Variants in ZNF354B observed in about 807,000 individuals in gnomAD.
ZNF354B encodes the protein zinc finger protein 354B.
In ZNF354B, 10 loss-of-function variants were observed where a neutral mutation model predicts 12.9. The observed-to-expected ratio is 0.77, with a 90% CI of 0.48 to 1.31. The LOEUF (loss-of-function observed/expected upper bound fraction) is 1.31, where lower values mean the gene tolerates loss of function less well. ZNF354B is among the 40% of genes most tolerant of loss of function. The pLI is 0.00. For missense variants in ZNF354B, 614 were observed against 711.7 expected (o/e 0.86, Z 1.56); for synonymous variants, 260 against 243.7 (o/e 1.07, Z -0.62).
intron 4 of ZNF354B, among the ~76,000 whole-genome samples, chr5:178,868,492 C>T (rs1251275362): frequency 4.6e-5 from 7 of 151,350 alleles, no homozygotes; most frequent in South Asian, 2.1e-4. Context: ...CTGGAGTGCA[C>T]GATCTAGTGG....
In ZNF354B at chr5:178,866,266, T is replaced by C; in HGVS notation, c.56T>C (p.Val19Ala). The change falls in exon 3 of 5, where the codon GTG (valine) becomes GCG (alanine). Residue 19 changes from valine to alanine, a missense_variant. Val to Ala is a moderately conservative substitution (Grantham distance 64, BLOSUM62 0). Coordinates refer to ENST00000322434, the MANE Select transcript of ZNF354B (RefSeq NM_058230.3). ...RPQVSLTFED[V>A]AVLFTWDEWR... Reference sequence around the variant, plus strand: ...CAGGTGTCACTGACATTCGAGGACGTGGCTGTGCTCTTTACCTGGGATGAG... The same window carrying C: ...CAGGTGTCACTGACATTCGAGGACGCGGCTGTGCTCTTTACCTGGGATGAG... 6.2e-7 allele frequency: 1 copy of C among 1,614,142 alleles called. No individual in the cohort carries two copies. Among genetic ancestry groups the C allele is most frequent in the Non-Finnish European group, 8.5e-7 (1 of 1,180,002 alleles).
intron 4 of ZNF354B, among the ~76,000 whole-genome samples, chr5:178,867,535 A>G (rs1757481718): frequency 6.6e-6 from 1 of 152,186 alleles, no homozygotes; most frequent in Non-Finnish European, 1.5e-5. Context: ...GGTCCTTGGT[A>G]TCTTAGAAAA....
At chr5:178,865,639 TC>T (rs1177582050) in intron 2 of ZNF354B, among the ~76,000 whole-genome samples, 1 of 152,210 alleles carries the variant, frequency 6.6e-6, no homozygotes, top group Non-Finnish European at 1.5e-5. Flanking sequence ...ATAACTATTT[TC>T]TTCATAAGGT....
At chr5:178,876,812 G>A (rs1235711384) in intron 4 of ZNF354B, among the ~76,000 whole-genome samples, 7 of 152,008 alleles carry the variant, frequency 4.6e-5, no homozygotes, top group African/African-American at 1.7e-4. Context: ...CTCTAGCTCT[G>A]AGCATCTTTA....
At position 178,866,298 on chromosome 5, in the gene ZNF354B, A is replaced by G; in HGVS notation, c.88A>G (p.Lys30Glu). 6.2e-7 allele frequency: 1 copy of G among 1,614,134 alleles called. No homozygotes were observed. The highest frequency in any genetic ancestry group is 8.5e-7 in the Non-Finnish European group (1 of 1,180,000). ...AVLFTWDEWR[K>E]LAPSQRNLYR... ...GCTCTTTACCTGGGATGAGTGGAGA[A>G]AGCTGGCTCCTTCTCAGAGAAACTT... Residue 30 changes from lysine (K) to glutamate (E), a missense_variant, in exon 3 of 5, where the codon AAG (lysine) becomes GAG (glutamate). Coordinates refer to ENST00000322434, the MANE Select transcript of ZNF354B (RefSeq NM_058230.3).
At position 178,866,980 on chromosome 5, in the gene ZNF354B, C is replaced by G; in HGVS notation, c.165C>G (p.Leu55=). The G allele has an allele frequency of 6.2e-7, 1 of 1,613,896 alleles. No homozygotes were observed. The highest frequency in any genetic ancestry group is 2.2e-5 in the East Asian group (1 of 44,886). The change falls in exon 4 of 5, where the codon CTC becomes CTG. Residue 55 remains leucine, a synonymous_variant. Transcript: ENST00000322434. The stretch of plus-strand genomic sequence containing the variant: ...GTTGTTGTTGTTTATGTGCAGGACT[C>G]TCATTTACCAAACCAAAAGTCATCT... ...ENYRNLVSLG[L]SFTKPKVISL... is the part of the protein sequence containing the mutation.
intron 4 of ZNF354B, among the ~76,000 whole-genome samples, chr5:178,881,868 C>T (rs1757722897): frequency 2.0e-5 from 3 of 152,174 alleles, no homozygotes; most frequent in Admixed American, 2.0e-4. Context: ...GGTCTCAATC[C>T]ATTCTCTGGA....
chr5:178,875,864 A>G (rs1015652758), intron 4 of ZNF354B, among the ~76,000 whole-genome samples: 7 of 152,138 alleles, frequency 4.6e-5, no homozygotes, highest in African/African-American at 1.7e-4. Flanking sequence ...AGGGGCTATC[A>G]GTTGCCTCTG....
intron 4 of ZNF354B, among the ~76,000 whole-genome samples, chr5:178,881,249 G>A (rs1322113860): frequency 2.6e-5 from 4 of 152,116 alleles, no homozygotes; most frequent in Non-Finnish European, 5.9e-5. Context: ...AAGCCTGGAG[G>A]GAGGAATTGT....
intron 2 of ZNF354B, among the ~76,000 whole-genome samples, chr5:178,865,924 G>T (rs1757441328): frequency 6.6e-6 from 1 of 152,034 alleles, no homozygotes; most frequent in Non-Finnish European, 1.5e-5. Flanking sequence ...ACAGTAATTG[G>T]TGAGTTAAAG....
rs1345417955 is a variant in ZNF354B, at chr5:178,883,082, A to G, written c.630A>G (p.Ala210=). The change falls in exon 5 of 5, where the codon GCA becomes GCG. Residue 210 remains alanine (A), a synonymous_variant. Transcript: ENST00000322434. ...NLLNQSKIKT[A]EKRYKCSTCE... is the part of the protein sequence containing the mutation. ...TTAACCAATCAAAAATCAAAACAGC[A>G]GAGAAACGCTATAAATGCAGTACAT... 1.2e-6 allele frequency: 2 copies of G among 1,607,400 alleles called. No individual in the cohort carries two copies. Among genetic ancestry groups the G allele is most frequent in the African/African-American group, 2.7e-5 (2 of 74,544 alleles).
chr5:178,874,831 A>G (rs2114019999), intron 4 of ZNF354B, among the ~76,000 whole-genome samples: 1 of 152,248 alleles, frequency 6.6e-6, no homozygotes, highest in Non-Finnish European at 1.5e-5. Flanking sequence ...AGTTCTCATG[A>G]TGGTTCTTTT....
At chr5:178,869,724 A>G (rs1757531637) in intron 4 of ZNF354B, among the ~76,000 whole-genome samples, 1 of 151,580 alleles carries the variant, frequency 6.6e-6, no homozygotes. Context: ...CCTGCGGGAA[A>G]ACCCTGAGCA....
At chr5:178,871,712 C>T (rs1038264393) in intron 4 of ZNF354B, among the ~76,000 whole-genome samples, 1 of 152,024 alleles carries the variant, frequency 6.6e-6, no homozygotes, top group African/African-American at 2.4e-5. Flanking sequence ...CAGAGATGTC[C>T]AGGAGATACA....
At chr5:178,879,763 A>G (rs1481463936) in intron 4 of ZNF354B, among the ~76,000 whole-genome samples, 4 of 152,230 alleles carry the variant, frequency 2.6e-5, no homozygotes, top group Admixed American at 6.5e-5. Flanking sequence ...CTCCTGTTAC[A>G]AGGAAGGACA....
chr5:178,881,652 A>C (rs1351556117), intron 4 of ZNF354B, among the ~76,000 whole-genome samples: 3 of 148,196 alleles, frequency 2.0e-5, no homozygotes, highest in Admixed American at 2.0e-4. Flanking sequence ...GAGTTTTATC[A>C]TTCATTCTCT....
chr5:178,880,113 G>A (rs535578784), intron 4 of ZNF354B, among the ~76,000 whole-genome samples: 7 of 152,256 alleles, frequency 4.6e-5, no homozygotes, highest in Non-Finnish European at 7.3e-5. Context: ...GCGACAGAGC[G>A]AGACTCCGTC....
intron 2 of ZNF354B, among the ~76,000 whole-genome samples, chr5:178,863,244 A>C (rs76114978): frequency 0.081 from 12,299 of 152,242 alleles, 657 homozygotes; most frequent in Non-Finnish European, 0.12. Flanking sequence ...ATATATACAT[A>C]TGTATATGTG....
Position 178,883,689 on chromosome 5 carries a change from A to G in ZNF354B, c.1237A>G (p.Asn413Asp), listed in dbSNP as rs756866862. 1.2e-6 allele frequency: 2 copies of G among 1,614,012 alleles called. No homozygotes were observed. The highest frequency in any genetic ancestry group is 8.5e-7 in the Non-Finnish European group (1 of 1,179,998). The part of the protein sequence containing the change: ...IHTGEKPYRC[N>D]ECGKGFTSIS... ...CACCGGAGAAAAGCCCTATAGATGCAATGAATGTGGGAAAGGCTTTACTTC... is the reference window on the plus strand; with the variant it reads ...CACCGGAGAAAAGCCCTATAGATGCGATGAATGTGGGAAAGGCTTTACTTC... The change falls in exon 5 of 5, where the codon AAT becomes GAT. Residue 413 changes from asparagine (N) to aspartate (D), a missense_variant. Asn to Asp is a conservative substitution (Grantham distance 23). Transcript: ENST00000322434.
Sources: allele counts gnomAD v4.1 joint callset (sites outside exome capture counted in the v4.1 genomes callset), GRCh38; gene constraint gnomAD v4.1.1; transcripts MANE v1.5; gene names NCBI Gene and HGNC (gene_info 2026-07-23, HGNC 2026-07-21).